OR6N1: variants seen among roughly 807,000 people sequenced by gnomAD.
The protein encoded by OR6N1 is olfactory receptor 6N1.
For missense variants in OR6N1, 394 were observed against 371.7 expected (o/e 1.06, Z -0.49); for synonymous variants, 170 against 150.7 (o/e 1.13, Z -0.94).
At chr1:158,770,860 A>T (rs1657408318) in intron 1 of OR6N1, among the ~76,000 whole-genome samples, 3 of 152,118 alleles carry the variant, frequency 2.0e-5, no homozygotes, top group African/African-American at 7.2e-5. Flanking sequence ...GACCCATAAG[A>T]CAGTTCTCTC....
rs1657274285 is a variant in OR6N1, at chr1:158,766,494, G to A, written c.189C>T (p.Val63=). The A allele has an allele frequency of 1.2e-6, 2 of 1,614,186 alleles. No homozygotes were observed. The highest frequency in any genetic ancestry group is 1.7e-6 in the Non-Finnish European group (2 of 1,180,026). ...SRLHTPMYHF[V]SILSFSELGY... is the part of the protein sequence containing the mutation. ...CAAGCTCTGAGAAGGAGAGAATGCT[G>A]ACAAAGTGGTACATGGGTGTGTGAA... The change falls in exon 2 of 2, where the codon GTC becomes GTT. Residue 63 remains valine (V), a synonymous_variant. Coordinates refer to ENST00000641846, the MANE Select transcript of OR6N1 (RefSeq NM_001005185.2).
At chr1:158,839,831 G>A in the OR6N1 span, among the ~76,000 whole-genome samples, 1 of 152,116 alleles carries the variant, frequency 6.6e-6, no homozygotes, top group Non-Finnish European at 1.5e-5. Flanking sequence ...TTCATAAATT[G>A]TTCTTTATTT....
chr1:158,776,748 T>A (rs749152567), upstream of OR6N1: 53 of 1,613,810 alleles, frequency 3.3e-5, no homozygotes, highest in Admixed American at 5.0e-5. Flanking sequence ...CTTTAATGAT[T>A]TCCTTGTTAC....
At chr1:158,783,452 A>C in the OR6N1 span, among the ~76,000 whole-genome samples, 1 of 152,228 alleles carries the variant, frequency 6.6e-6, no homozygotes, top group East Asian at 1.9e-4. Context: ...TCCCCTCTGC[A>C]TGAACACTCG....
the OR6N1 span, among the ~76,000 whole-genome samples, chr1:158,778,523 C>A: frequency 6.6e-6 from 1 of 152,184 alleles, no homozygotes; most frequent in Non-Finnish European, 1.5e-5. Flanking sequence ...TCACTCAATG[C>A]TTTAAGACCT....
the OR6N1 span, among the ~76,000 whole-genome samples, chr1:158,786,932 T>C: frequency 2.6e-5 from 4 of 152,040 alleles, no homozygotes; most frequent in African/African-American, 9.7e-5. Context: ...ATCTCAGAAA[T>C]CACCAGTAAA....
the OR6N1 span, among the ~76,000 whole-genome samples, chr1:158,822,386 G>A: frequency 3.9e-5 from 6 of 152,094 alleles, no homozygotes; most frequent in African/African-American, 1.4e-4. Context: ...TTTGAGTAGT[G>A]CTTTGTAATT....
chr1:158,818,765 T>C, the OR6N1 span, among the ~76,000 whole-genome samples: 1 of 152,212 alleles, frequency 6.6e-6, no homozygotes, highest in African/African-American at 2.4e-5. Context: ...TCCCTATCCT[T>C]ACCCAGTCTA....
chr1:158,805,761 A>C, the OR6N1 span, among the ~76,000 whole-genome samples: 2 of 152,176 alleles, frequency 1.3e-5, no homozygotes, highest in African/African-American at 2.4e-5. Context: ...GAGTTTCAAG[A>C]GGGGAACTCA....
the OR6N1 span, among the ~76,000 whole-genome samples, chr1:158,836,141 T>TG: frequency 6.7e-6 from 1 of 150,128 alleles, no homozygotes; most frequent in Non-Finnish European, 1.5e-5. Context: ...TAGCATTTTG[T>TG]AAAAAAAAAA....
chr1:158,835,881 G>T, the OR6N1 span, among the ~76,000 whole-genome samples: 1 of 151,758 alleles, frequency 6.6e-6, no homozygotes, highest in South Asian at 2.1e-4. Context: ...TGCATCAATT[G>T]AGATGATCAT....
the OR6N1 span, among the ~76,000 whole-genome samples, chr1:158,801,207 T>C: frequency 6.6e-6 from 1 of 152,018 alleles, no homozygotes; most frequent in South Asian, 2.1e-4. Flanking sequence ...TGTCTGTGTG[T>C]GTATGTGAAG....
At chr1:158,808,863 G>C in the OR6N1 span, 1 of 152,312 alleles carries the variant, frequency 6.6e-6, no homozygotes, top group Admixed American at 6.6e-5. Context: ...AGGGTGGCTG[G>C]CACAAGTGCA....
At chr1:158,787,684 C>T in the OR6N1 span, among the ~76,000 whole-genome samples, 5 of 151,144 alleles carry the variant, frequency 3.3e-5, no homozygotes, top group East Asian at 9.7e-4. Context: ...CACAAATACA[C>T]ACGAACATTT....
the OR6N1 span, among the ~76,000 whole-genome samples, chr1:158,795,789 T>G: frequency 6.6e-6 from 1 of 152,214 alleles, no homozygotes; most frequent in Non-Finnish European, 1.5e-5. Context: ...GTCTCCCCAC[T>G]TCTTATGCTC....
the OR6N1 span, among the ~76,000 whole-genome samples, chr1:158,801,131 C>T: frequency 2.0e-5 from 3 of 151,186 alleles, no homozygotes; most frequent in African/African-American, 7.3e-5. Context: ...AAGTCTGTTT[C>T]TTGGTGTTAG....
chr1:158,835,616 G>C, the OR6N1 span, among the ~76,000 whole-genome samples: 1 of 66,744 alleles, frequency 1.5e-5, no homozygotes, highest in East Asian at 5.3e-4. Flanking sequence ...TATTTTTGGT[G>C]GGGGCGGGGG....
At chr1:158,816,857 C>T in the OR6N1 span, among the ~76,000 whole-genome samples, 1 of 152,212 alleles carries the variant, frequency 6.6e-6, no homozygotes, top group Non-Finnish European at 1.5e-5. Flanking sequence ...ATCATAGGAT[C>T]AAAACTCCCT....
At chr1:158,840,299 G>T in the OR6N1 span, among the ~76,000 whole-genome samples, 49 of 152,262 alleles carry the variant, frequency 3.2e-4, no homozygotes, top group African/African-American at 1.1e-3. Flanking sequence ...AAAGAAAAGA[G>T]ATTTGATTTA....
Sources: allele counts gnomAD v4.1 joint callset (sites outside exome capture counted in the v4.1 genomes callset), GRCh38; gene constraint gnomAD v4.1.1; transcripts MANE v1.5; gene names NCBI Gene and HGNC (gene_info 2026-07-23, HGNC 2026-07-21).